Variants in DPYD observed in about 807,000 individuals in gnomAD.
DPYD encodes the protein dihydropyrimidine dehydrogenase [NADP(+)].
Under a neutral mutation model 116.2 loss-of-function variants are expected in DPYD, and 109 were observed. That is an observed-to-expected ratio of 0.94 (90% CI 0.80 to 1.10). The LOEUF is 1.10. Ranked by LOEUF, DPYD falls within the 50% of genes least tolerant of loss-of-function variation. DPYD has a pLI of 0.00. For synonymous variants in DPYD, 440 were observed against 432.0 expected (o/e 1.02, Z -0.23); for missense variants, 1,302 against 1,254.5 (o/e 1.04, Z -0.57).
intron 11 of DPYD, among the ~76,000 whole-genome samples, chr1:97,561,181 T>C (rs1652117914): frequency 6.6e-6 from 1 of 152,222 alleles, no homozygotes; most frequent in South Asian, 2.1e-4. Flanking sequence ...TAGGATTATA[T>C]GGAAGTGAGA....
intron 14 of DPYD, among the ~76,000 whole-genome samples, chr1:97,396,472 C>T (rs775319919): frequency 1.3e-5 from 2 of 151,964 alleles, no homozygotes; most frequent in Admixed American, 6.6e-5. Flanking sequence ...ATATGATCTT[C>T]GCCAGTGAGT....
intron 12 of DPYD, among the ~76,000 whole-genome samples, chr1:97,538,325 T>C (rs1349766861): frequency 6.6e-6 from 1 of 152,194 alleles, no homozygotes; most frequent in East Asian, 1.9e-4. Context: ...TGAATTTGTC[T>C]CCACTAGGTC....
intron 18 of DPYD, among the ~76,000 whole-genome samples, chr1:97,261,488 T>G (rs1347816446): frequency 7.2e-6 from 1 of 139,288 alleles, no homozygotes; most frequent in Non-Finnish European, 1.5e-5. Context: ...TAAAAGACTA[T>G]GCATCTTTTT....
chr1:97,271,860 C>A (rs991414983), intron 18 of DPYD, among the ~76,000 whole-genome samples: 1 of 152,244 alleles, frequency 6.6e-6, no homozygotes, highest in Admixed American at 6.5e-5. Context: ...TTGACATTCA[C>A]TCTGTTCTTC....
Position 97,644,617 on chromosome 1 carries a change from T to C in DPYD, c.850+34478A>G, listed in dbSNP as rs201202761. On this transcript the variant is annotated intron_variant, in intron 8 of 22. Transcript: ENST00000370192. ...CTAGCTTGTTTTTTGTTTTTTGTTT[T>C]TGTTTTTTTTTTTTGTATTTTTAGT... Among the ~76,000 whole-genome samples, 55 of 150,384 alleles carry C rather than the reference T, an allele frequency of 3.7e-4. No homozygotes were observed. The East Asian group carries it at 9.7e-3, about 27-fold the overall frequency.
At chr1:97,625,050 G>A in intron 8 of DPYD, among the ~76,000 whole-genome samples, 1 of 151,992 alleles carries the variant, frequency 6.6e-6, no homozygotes. Context: ...GCACAGCACA[G>A]TGAATATAGT....
chr1:97,646,900 C>G (rs1432686581), intron 8 of DPYD, among the ~76,000 whole-genome samples: 1 of 152,024 alleles, frequency 6.6e-6, no homozygotes, highest in East Asian at 1.9e-4. Flanking sequence ...TGAACAAAAT[C>G]AAGTTCAGAA....
intron 13 of DPYD, among the ~76,000 whole-genome samples, chr1:97,482,954 TAGC>T (rs1182681743): frequency 6.6e-6 from 1 of 152,214 alleles, no homozygotes. Flanking sequence ...CAGAACCAAA[TAGC>T]AGTCTGTAAT....
chr1:97,142,909 C>T (rs1480621330), intron 20 of DPYD, among the ~76,000 whole-genome samples: 1 of 151,806 alleles, frequency 6.6e-6, no homozygotes, highest in East Asian at 1.9e-4. Flanking sequence ...AAAGCTATTG[C>T]TTTCATTTTT....
rs557520989 is a variant in DPYD, at chr1:97,612,339, C to T, written c.851-17173G>A. 7.2e-5 allele frequency among the ~76,000 whole-genome samples: 11 copies of T among 152,090 alleles called. No homozygotes were observed. In the South Asian group the frequency reaches 1.7e-3, roughly 23 times the overall value. Reference sequence around the variant, plus strand: ...CAGAAATGTTGGTGCATGCCTAATGCTGTGGCTTTTAATCTTTTCACACAA... The same window carrying T: ...CAGAAATGTTGGTGCATGCCTAATGTTGTGGCTTTTAATCTTTTCACACAA... On this transcript the variant is annotated intron_variant, in intron 8 of 22. Coordinates refer to ENST00000370192, the MANE Select transcript of DPYD (RefSeq NM_000110.4).
chr1:97,788,570 A>C (rs774671417), intron 3 of DPYD, among the ~76,000 whole-genome samples: 1 of 152,214 alleles, frequency 6.6e-6, no homozygotes, highest in Non-Finnish European at 1.5e-5. Flanking sequence ...ATTGCAAAAA[A>C]TTATAAGTTG....
intron 3 of DPYD, among the ~76,000 whole-genome samples, chr1:97,770,447 C>T (rs1252894804): frequency 6.6e-6 from 1 of 151,766 alleles, no homozygotes; most frequent in African/African-American, 2.4e-5. Context: ...TCTATGAGTA[C>T]CAAGATTTTC....
intron 12 of DPYD, chr1:97,546,306 A>G (rs1011126957): frequency 2.0e-5 from 29 of 1,428,840 alleles, no homozygotes; most frequent in Admixed American, 1.8e-4. Flanking sequence ...TGCTATTACC[A>G]CAGTCAAAGC....
intron 3 of DPYD, among the ~76,000 whole-genome samples, chr1:97,818,000 A>C (rs2101429912): frequency 6.6e-6 from 1 of 152,170 alleles, no homozygotes; most frequent in Admixed American, 6.5e-5. Flanking sequence ...TGGTAGCAAA[A>C]CAAAAGCTGC....
chr1:97,636,032 G>A (rs1177377217), intron 8 of DPYD, among the ~76,000 whole-genome samples: 1 of 151,892 alleles, frequency 6.6e-6, no homozygotes, highest in Non-Finnish European at 1.5e-5. Flanking sequence ...TATTGCTCAG[G>A]CTGGTCTCGA....
At chr1:97,784,702 T>C (rs1004102317) in intron 3 of DPYD, among the ~76,000 whole-genome samples, 19 of 152,332 alleles carry the variant, frequency 1.2e-4, no homozygotes, top group Middle Eastern at 3.4e-3. Context: ...CAGTCTCTTC[T>C]AACTACTGTG....
chr1:97,390,003 G>A (rs1276580789), intron 14 of DPYD, among the ~76,000 whole-genome samples: 1 of 151,926 alleles, frequency 6.6e-6, no homozygotes, highest in Non-Finnish European at 1.5e-5. Context: ...ATTTTATTAA[G>A]TAGCTTTTAA....
At chr1:97,370,405 C>T (rs1346008142) in intron 16 of DPYD, among the ~76,000 whole-genome samples, 4 of 151,862 alleles carry the variant, frequency 2.6e-5, no homozygotes, top group Non-Finnish European at 4.4e-5. Flanking sequence ...CATCACACAC[C>T]GGGGCCTGTT....
chr1:97,195,251 T>C (rs1658666732), intron 19 of DPYD, among the ~76,000 whole-genome samples: 1 of 152,046 alleles, frequency 6.6e-6, no homozygotes, highest in Non-Finnish European at 1.5e-5. Flanking sequence ...AGATGTTGAA[T>C]ACCTAGTATA....
Sources: allele counts gnomAD v4.1 joint callset (sites outside exome capture counted in the v4.1 genomes callset), GRCh38; gene constraint gnomAD v4.1.1; transcripts MANE v1.5; gene names NCBI Gene and HGNC (gene_info 2026-07-23, HGNC 2026-07-21).